AOPEP: variants seen among roughly 807,000 people sequenced by gnomAD.
The protein encoded by AOPEP is aminopeptidase O.
Under a neutral mutation model 98.1 loss-of-function variants are expected in AOPEP, and 77 were observed. The ratio of observed to expected loss-of-function variants is 0.78; its 90% CI spans 0.65 to 0.95. AOPEP has a LOEUF of 0.95. AOPEP is among the 40% of genes least tolerant of loss of function. The pLI is 0.00. For synonymous variants in AOPEP, 346 were observed against 365.3 expected, an observed-to-expected ratio of 0.95 and a Z score of 0.60; for missense variants, 1,024 against 1,024.7, an observed-to-expected ratio of 1.00 and a Z score of 0.01.
intron 5 of AOPEP, among the ~76,000 whole-genome samples, chr9:94,874,834 C>T (rs1312545040): frequency 6.6e-6 from 1 of 152,108 alleles, no homozygotes; most frequent in Non-Finnish European, 1.5e-5. Context: ...TTAAATTATT[C>T]CAAGATACAG....
In AOPEP at chr9:94,899,276, C is replaced by CT. The variant is rs2050060942; in HGVS notation, c.1365-24709dup. ...CTCGGCTCACTGCAAGCTCCGCCTC[C>CT]TGGGTTCACGCCATTCTCCTGCCTC... On this transcript the variant is annotated intron_variant, in intron 5 of 16. Coordinates refer to ENST00000375315, the MANE Select transcript of AOPEP (RefSeq NM_001193329.3). Among the ~76,000 whole-genome samples the CT allele has an allele frequency of 5.6e-5, 8 of 143,346 alleles. 1 individual carries two copies. The South Asian group carries it at 1.9e-3, about 33-fold the overall frequency. 94.0% of individuals were successfully genotyped at this position (143,346 alleles called of 152,430 possible).
At chr9:94,776,999 C>T (rs1339741994) in intron 3 of AOPEP, among the ~76,000 whole-genome samples, 2 of 150,526 alleles carry the variant, frequency 1.3e-5, no homozygotes, top group South Asian at 4.2e-4. Context: ...GTTGTATTCA[C>T]TTATGAACAA....
chr9:95,013,725 T>G (rs1184234862), intron 13 of AOPEP, among the ~76,000 whole-genome samples: 1 of 152,240 alleles, frequency 6.6e-6, no homozygotes, highest in East Asian at 1.9e-4. Context: ...AAGTTTGTGC[T>G]GTTTATACCT....
intron 5 of AOPEP, among the ~76,000 whole-genome samples, chr9:94,882,443 C>T (rs1292062181): frequency 1.1e-4 from 16 of 152,026 alleles, no homozygotes; most frequent in Admixed American, 1.0e-3. Flanking sequence ...CCCCTTTTTT[C>T]TAATACGCCT....
intron 13 of AOPEP, among the ~76,000 whole-genome samples, chr9:95,024,357 T>G (rs1183076758): frequency 3.3e-5 from 5 of 152,216 alleles, no homozygotes; most frequent in Admixed American, 6.5e-5. Flanking sequence ...TAGCAGTTCA[T>G]CCACAAGCTC....
the AOPEP span, among the ~76,000 whole-genome samples, chr9:95,104,196 C>T: frequency 6.6e-6 from 1 of 152,152 alleles, no homozygotes; most frequent in African/African-American, 2.4e-5. Context: ...CTCCCTGCCA[C>T]GCGGCCACCG....
At chr9:94,839,842 C>G (rs1189956155) in intron 5 of AOPEP, among the ~76,000 whole-genome samples, 3 of 152,092 alleles carry the variant, frequency 2.0e-5, no homozygotes, top group Non-Finnish European at 4.4e-5. Context: ...AATGATAGCT[C>G]ACTACAGTGT....
In AOPEP at chr9:95,004,287, G is replaced by GT. The variant is rs1412747994; in HGVS notation, c.1978-870dup. ...TTGGGGTATCGCACATTTTTATAAA[G>GT]TAAGTGTAAACTTTCTCCCTAATTA... On this transcript the variant is annotated intron_variant, in intron 11 of 16. Transcript: ENST00000375315. 2.0e-5 allele frequency: 9 copies of GT among 456,572 alleles called. No individual in the cohort carries two copies. The Admixed American group carries it at 2.1e-4, about 11-fold the overall frequency. The allele number at this position is 456,572 out of a possible 1,614,324, so 28.3% of individuals were successfully genotyped here.
intron 13 of AOPEP, among the ~76,000 whole-genome samples, chr9:95,027,000 G>A (rs1260481405): frequency 2.0e-5 from 3 of 152,174 alleles, no homozygotes; most frequent in East Asian, 3.8e-4. Flanking sequence ...GGTGGCTCAC[G>A]CTTGTAATCC....
chr9:95,115,934 A>T, the AOPEP span, among the ~76,000 whole-genome samples: 2 of 152,250 alleles, frequency 1.3e-5, no homozygotes, highest in East Asian at 3.8e-4. Context: ...TCTGATAAAC[A>T]GAAGATCATG....
chr9:95,138,186 C>T, the AOPEP span, among the ~76,000 whole-genome samples: 11 of 152,264 alleles, frequency 7.2e-5, no homozygotes, highest in African/African-American at 2.4e-4. Flanking sequence ...CCAGGACTCG[C>T]AGCTGGTAAC....
the AOPEP span, among the ~76,000 whole-genome samples, chr9:95,118,973 C>T: frequency 6.6e-6 from 1 of 152,236 alleles, no homozygotes; most frequent in African/African-American, 2.4e-5. Context: ...GCTTGTTTAA[C>T]ATCGTAAGGC....
intron 13 of AOPEP, among the ~76,000 whole-genome samples, chr9:95,057,875 C>T (rs1342855518): frequency 1.3e-5 from 2 of 152,170 alleles, no homozygotes; most frequent in Non-Finnish European, 2.9e-5. Flanking sequence ...CTGGCTCTGG[C>T]AGCACTGTGG....
chr9:95,144,195 A>G, the AOPEP span, among the ~76,000 whole-genome samples: 1 of 152,230 alleles, frequency 6.6e-6, no homozygotes, highest in Non-Finnish European at 1.5e-5. Flanking sequence ...CGCTGTGTCA[A>G]CATGTGGCTG....
intron 6 of AOPEP, 124 bp downstream of exon 6, chr9:94,924,299 A>G: frequency 1.5e-6 from 1 of 651,426 alleles, no homozygotes; most frequent in East Asian, 3.4e-5. Context: ...TGCTGGGGAG[A>G]TGGCTGCATA....
At chr9:95,088,192 GTGC>G (rs1364104911), downstream of AOPEP, among the ~76,000 whole-genome samples, 2 of 151,820 alleles carry the variant, frequency 1.3e-5, no homozygotes, top group Non-Finnish European at 2.9e-5. Flanking sequence ...TTCTCTCTGT[GTGC>G]TGCTGCCTTT....
intron 5 of AOPEP, among the ~76,000 whole-genome samples, chr9:94,863,261 C>T (rs911275003): frequency 6.7e-6 from 1 of 148,938 alleles, no homozygotes; most frequent in African/African-American, 2.5e-5. Context: ...CTCTGTTTCC[C>T]TCTTCTTTCT....
At chr9:95,065,713 C>T (rs993953804) in intron 14 of AOPEP, among the ~76,000 whole-genome samples, 1 of 152,138 alleles carries the variant, frequency 6.6e-6, no homozygotes, top group Non-Finnish European at 1.5e-5. Context: ...GGAACCAGGT[C>T]CCCCCGGGAT....
chr9:94,789,666 G>A (rs1845216229), intron 3 of AOPEP, among the ~76,000 whole-genome samples: 1 of 152,144 alleles, frequency 6.6e-6, no homozygotes, highest in Non-Finnish European at 1.5e-5. Context: ...TGGGAGAGGT[G>A]GAGTCCCTAT....
Sources: gnomAD v4.1 joint callset for allele counts (sites outside exome capture counted in the v4.1 genomes callset) on GRCh38, gnomAD v4.1.1 for gene constraint, MANE v1.5 for transcripts, NCBI Gene and HGNC (gene_info 2026-07-23, HGNC 2026-07-21) for gene names.